Variants in MIPOL1 observed in about 807,000 individuals in gnomAD.
MIPOL1 encodes mirror-image polydactyly gene 1 protein.
In MIPOL1, 57 loss-of-function variants were observed where a neutral mutation model predicts 60.9. The ratio of observed to expected loss-of-function variants is 0.94; its 90% confidence interval spans 0.76 to 1.17. The LOEUF (loss-of-function observed/expected upper bound fraction) is 1.17. MIPOL1 is among the 50% of genes most tolerant of loss of function. The probability of loss-of-function intolerance (pLI) is 0.00; values close to 1 mark genes in which losing one functional copy is unlikely to be tolerated. For missense variants in MIPOL1, 551 were observed against 511.6 expected (o/e 1.08, Z -0.74); for synonymous variants, 179 against 168.8 (o/e 1.06, Z -0.47).
In MIPOL1 at chr14:37,549,286, C is replaced by G. The variant is rs943389384; in HGVS notation, c.*2315C>G. 2 of 151,806 alleles carry G rather than the reference C, an allele frequency of 1.3e-5. No homozygotes were observed. Among genetic ancestry groups the G allele is most frequent in the Non-Finnish European group, 2.9e-5 (2 of 67,802 alleles). The allele number at this position is 151,806 out of a possible 1,614,324, so 9.4% of individuals were successfully genotyped here. ...TCTTCTTGTAAAAATAAGTAATTTA[C>G]AGGAAAGGCAAAATGCTAATACTAA... On this transcript the variant is annotated 3_prime_UTR_variant, in exon 13 of 13. Transcript: ENST00000684589.
intron 10 of MIPOL1, among the ~76,000 whole-genome samples, chr14:37,398,795 T>A (rs1444874855): frequency 6.6e-6 from 1 of 152,156 alleles, no homozygotes; most frequent in African/African-American, 2.4e-5. Flanking sequence ...GTTTATAGAC[T>A]AAATGGAAAC....
chr14:37,390,185 C>T (rs986505157), intron 10 of MIPOL1, among the ~76,000 whole-genome samples: 3 of 151,966 alleles, frequency 2.0e-5, no homozygotes, highest in Non-Finnish European at 4.4e-5. Context: ...CACCATTGCA[C>T]TCCAGCCTGG....
At chr14:37,292,827 A>G (rs138653663) in intron 7 of MIPOL1, among the ~76,000 whole-genome samples, 41 of 152,080 alleles carry the variant, frequency 2.7e-4, no homozygotes, top group Admixed American at 5.9e-4. Flanking sequence ...TTGAGCTGCC[A>G]TTTCTTGGCA....
intron 10 of MIPOL1, among the ~76,000 whole-genome samples, chr14:37,422,000 A>G (rs917749479): frequency 1.3e-5 from 2 of 152,078 alleles, no homozygotes; most frequent in Admixed American, 6.6e-5. Context: ...ATTTAAAGCA[A>G]AGTGAAAGAT....
intron 4 of MIPOL1, 126 bp from the exon 5 acceptor site, chr14:37,268,532 A>G (rs1447520555): frequency 4.3e-6 from 3 of 699,230 alleles, no homozygotes; most frequent in African/African-American, 1.9e-5. Flanking sequence ...AAAACAGCCC[A>G]TCTCTTTTCC....
intron 11 of MIPOL1, among the ~76,000 whole-genome samples, chr14:37,434,850 CAAA>C (rs71127219): frequency 6.3e-5 from 7 of 111,722 alleles, no homozygotes; most frequent in Admixed American, 9.3e-5. Flanking sequence ...TTAATCACAG[CAAA>C]AAAAAAAAAA....
intron 1 of MIPOL1, among the ~76,000 whole-genome samples, chr14:37,241,717 A>G (rs980014675): frequency 6.6e-6 from 1 of 152,170 alleles, no homozygotes. Context: ...ATAAAATGTA[A>G]TAATACAAAA....
At chr14:37,410,151 A>G (rs1469426469) in intron 10 of MIPOL1, among the ~76,000 whole-genome samples, 1 of 152,190 alleles carries the variant, frequency 6.6e-6, no homozygotes, top group Non-Finnish European at 1.5e-5. Context: ...AAAAATACAG[A>G]TTCCTTTCAA....
At chr14:37,491,997 A>G (rs553909156) in intron 11 of MIPOL1, among the ~76,000 whole-genome samples, 1 of 152,290 alleles carries the variant, frequency 6.6e-6, no homozygotes, top group African/African-American at 2.4e-5. Flanking sequence ...TGAGCAAGTT[A>G]GTGATTTTCT....
intron 9 of MIPOL1, among the ~76,000 whole-genome samples, chr14:37,364,942 G>A (rs915507335): frequency 1.3e-5 from 2 of 151,810 alleles, no homozygotes; most frequent in African/African-American, 4.8e-5. Context: ...TAATCTCTTG[G>A]TATTTAATTT....
At chr14:37,543,798 T>C (rs1420755924) in intron 12 of MIPOL1, among the ~76,000 whole-genome samples, 1 of 152,198 alleles carries the variant, frequency 6.6e-6, no homozygotes, top group Non-Finnish European at 1.5e-5. Context: ...CAAATGATGT[T>C]ACTAGATGAG....
In MIPOL1 at chr14:37,313,378, A is replaced by G. The variant is rs374937597; in HGVS notation, c.828+4859A>G. ...TTAGGCTAGCTCTGGGCTATGTTTT[A>G]CTTATAAGGGTATACATAAATGGGC... On this transcript the variant is annotated intron_variant, in intron 9 of 12. Coordinates refer to ENST00000684589, the MANE Select transcript of MIPOL1 (RefSeq NM_001388067.1). Among the ~76,000 whole-genome samples the G allele has an allele frequency of 7.9e-5, 12 of 152,132 alleles. No individual in the cohort carries two copies. In the East Asian group the frequency reaches 1.9e-3, roughly 24 times the overall value.
At chr14:37,453,261 G>A (rs1437692768) in intron 11 of MIPOL1, among the ~76,000 whole-genome samples, 1 of 152,030 alleles carries the variant, frequency 6.6e-6, no homozygotes, top group Non-Finnish European at 1.5e-5. Flanking sequence ...GAGATAATTA[G>A]TAGCATGAAT....
intron 10 of MIPOL1, among the ~76,000 whole-genome samples, chr14:37,376,307 G>A (rs546499308): frequency 5.9e-5 from 9 of 152,148 alleles, no homozygotes; most frequent in East Asian, 3.9e-4. Flanking sequence ...CAGTTTCACC[G>A]CCCAAAATAT....
chr14:37,428,866 C>T (rs145826258), intron 11 of MIPOL1, among the ~76,000 whole-genome samples: 139 of 152,138 alleles, frequency 9.1e-4, no homozygotes, highest in Middle Eastern at 6.8e-3. Context: ...CAGTTAGGAG[C>T]AGTGGCCAGT....
intron 12 of MIPOL1, among the ~76,000 whole-genome samples, chr14:37,513,935 A>G (rs1268872102): frequency 2.6e-5 from 4 of 152,174 alleles, no homozygotes; most frequent in African/African-American, 9.6e-5. Context: ...CAGTTTAAAT[A>G]CAAGAGTTTT....
At chr14:37,207,071 G>A (rs1377360399) in intron 1 of MIPOL1, among the ~76,000 whole-genome samples, 1 of 152,220 alleles carries the variant, frequency 6.6e-6, no homozygotes, top group Non-Finnish European at 1.5e-5. Context: ...TAGGACATGA[G>A]ATTTGGGAGG....
chr14:37,264,306 G>T (rs2082710786), intron 3 of MIPOL1, among the ~76,000 whole-genome samples: 1 of 151,722 alleles, frequency 6.6e-6, no homozygotes, highest in Admixed American at 6.6e-5. Flanking sequence ...CATGCCTGTT[G>T]CTTACTCACT....
chr14:37,321,916 C>G (rs2088618874), intron 9 of MIPOL1, among the ~76,000 whole-genome samples: 1 of 151,744 alleles, frequency 6.6e-6, no homozygotes, highest in East Asian at 1.9e-4. Context: ...CAGACTTGAC[C>G]CCAACATCTT....
Sources: gnomAD v4.1 joint callset for allele counts (sites outside exome capture counted in the v4.1 genomes callset) on GRCh38, gnomAD v4.1.1 for gene constraint, MANE v1.5 for transcripts, NCBI Gene and HGNC (gene_info 2026-07-23, HGNC 2026-07-21) for gene names.